Variants in STIM2 observed in about 807,000 individuals in gnomAD.
The protein encoded by STIM2 is stromal interaction molecule 2.
STIM2 carries 31 observed loss-of-function variants against 85.8 expected under a neutral mutation model. The ratio of observed to expected loss-of-function variants is 0.36; its 90% confidence interval spans 0.27 to 0.49. STIM2 has a LOEUF of 0.49. STIM2 is among the 20% of genes least tolerant of loss of function. STIM2 has a pLI of 0.98. For missense variants in STIM2, 841 were observed against 927.6 expected (o/e 0.91, Z 1.21); for synonymous variants, 356 against 331.1 (o/e 1.08, Z -0.82).
rs116416182 is a variant in STIM2 at position 26,964,865 on chromosome 4, A to G, written c.397+7139A>G. On this transcript the variant is annotated intron_variant, in intron 3 of 11. Transcript: ENST00000467087. ...GGATAATAAAAGGAAAAGCATGTCC[A>G]TCCACCTACAGAAGTTAAGTAAAGC... is the stretch of plus-strand genomic sequence containing the variant. Among the ~76,000 whole-genome samples, 753 of 152,306 alleles carry G rather than the reference A, an allele frequency of 4.9e-3. 6 individuals carry two copies. Among genetic ancestry groups the G allele is most frequent in the Non-Finnish European group, 6.9e-3 (470 of 68,020 alleles).
chr4:26,930,107 A>T (rs1725149738), intron 2 of STIM2, among the ~76,000 whole-genome samples: 1 of 152,188 alleles, frequency 6.6e-6, no homozygotes, highest in African/African-American at 2.4e-5. Context: ...AAAAAAGGTT[A>T]GATGTCAATG....
chr4:26,868,214 G>C (rs1722474652), intron 1 of STIM2, among the ~76,000 whole-genome samples: 1 of 152,190 alleles, frequency 6.6e-6, no homozygotes, highest in Non-Finnish European at 1.5e-5. Flanking sequence ...CACAGAGCCT[G>C]GCAAGCGCAG....
chr4:27,018,306 C>T (rs975330414), intron 11 of STIM2, among the ~76,000 whole-genome samples: 3 of 152,278 alleles, frequency 2.0e-5, no homozygotes, highest in African/African-American at 2.4e-5. Context: ...GGCTCCAGGA[C>T]GGAGGTCCCC....
At position 26,860,893 on chromosome 4, in the gene STIM2, C is replaced by CCT. The variant is rs1292502342; in HGVS notation, c.-325_-324dup. On this transcript the variant is annotated 5_prime_UTR_variant, in exon 1 of 12. Coordinates refer to ENST00000467087, the MANE Select transcript of STIM2 (RefSeq NM_020860.4). ...GCAGCAGCGCGGGTGTCGTGCACCG[C>CCT]CTGAAGACGCCGTACCTTTCTACCC... 1.9e-6 allele frequency: 2 copies of CCT among 1,042,706 alleles called. No homozygotes were observed. Among genetic ancestry groups the CCT allele is most frequent in the Non-Finnish European group, 1.2e-6 (1 of 848,370 alleles). 64.6% of individuals were successfully genotyped at this position (1,042,706 alleles called of 1,614,324 possible).
At chr4:26,939,216 G>T (rs1398448539) in intron 2 of STIM2, among the ~76,000 whole-genome samples, 1 of 152,074 alleles carries the variant, frequency 6.6e-6, no homozygotes, top group Non-Finnish European at 1.5e-5. Flanking sequence ...CTAAACTCGT[G>T]AGAACTATTC....
chr4:27,004,241 C>T (rs931180356), intron 7 of STIM2, among the ~76,000 whole-genome samples: 1 of 152,160 alleles, frequency 6.6e-6, no homozygotes, highest in Admixed American at 6.5e-5. Context: ...TTCTCTCACA[C>T]CCCCAGATGT....
chr4:27,022,506 G>C lies in STIM2; in HGVS notation c.1764-13G>C, dbSNP rs750126911. The C allele has an allele frequency of 1.3e-6, 2 of 1,562,636 alleles. No homozygotes were observed. The highest frequency in any genetic ancestry group is 1.4e-5 in the African/African-American group (1 of 73,408). ...TGATTTAAAATTTGTACCTTTGTTT[G>C]TGTTTCATTCAGGGAAGTGCCAGAC... On this transcript the variant is annotated splice_polypyrimidine_tract_variant and intron_variant, in intron 11 of 11. Transcript: ENST00000467087.
chr4:26,904,810 T>A (rs577706589), intron 1 of STIM2, among the ~76,000 whole-genome samples: 176 of 151,932 alleles, frequency 1.2e-3, no homozygotes, highest in African/African-American at 3.8e-3. Flanking sequence ...CATGTTTATA[T>A]GCCCGTGGCA....
chr4:26,861,883 A>G (rs556304559), intron 1 of STIM2, among the ~76,000 whole-genome samples: 5 of 152,130 alleles, frequency 3.3e-5, no homozygotes, highest in African/African-American at 9.6e-5. Context: ...CATAATACCT[A>G]GTGATATTAG....
chr4:26,964,674 A>G (rs1726640677), intron 3 of STIM2, among the ~76,000 whole-genome samples: 3 of 152,150 alleles, frequency 2.0e-5, no homozygotes, highest in African/African-American at 7.2e-5. Context: ...ATTTTCTAGT[A>G]AATGCTTATT....
rs56851120 is a variant in STIM2 at position 26,885,821 on chromosome 4, T to TTATATA, written c.151+24500_151+24505dup. Among the ~76,000 whole-genome samples the TTATATA allele has an allele frequency of 3.9e-3, 326 of 84,360 alleles. 7 individuals are homozygous for TTATATA. Among genetic ancestry groups the TTATATA allele is most frequent in the Non-Finnish European group, 6.2e-3 (231 of 37,392 alleles). 55.3% of individuals were successfully genotyped at this position (84,360 alleles called of 152,430 possible). Reference sequence around the variant, plus strand: ...ATGAAGCCAAATTTAGCACCTCAGGTTATATATATATATATATATATATAT... The same window carrying TTATATA: ...ATGAAGCCAAATTTAGCACCTCAGGTTATATATATATATATATATATATATATATAT... On this transcript the variant is annotated intron_variant, in intron 1 of 11. Transcript: ENST00000467087.
intron 1 of STIM2, among the ~76,000 whole-genome samples, chr4:26,898,465 T>C (rs1723790061): frequency 6.6e-6 from 1 of 152,188 alleles, no homozygotes; most frequent in Admixed American, 6.5e-5. Context: ...TCATTTATCC[T>C]TCATGTAGTG....
chr4:26,995,807 A>G (rs1727943450), intron 4 of STIM2, among the ~76,000 whole-genome samples: 1 of 152,102 alleles, frequency 6.6e-6, no homozygotes, highest in Non-Finnish European at 1.5e-5. Context: ...TTTATTTGAT[A>G]CTGATTCATT....
At chr4:26,958,700 C>T (rs1322489739) in intron 3 of STIM2, among the ~76,000 whole-genome samples, 2 of 151,970 alleles carry the variant, frequency 1.3e-5, no homozygotes, top group Non-Finnish European at 2.9e-5. Flanking sequence ...AAAACCTCTC[C>T]ATTTCTCTTC....
At chr4:26,981,426 A>G (rs1470289943) in intron 3 of STIM2, among the ~76,000 whole-genome samples, 1 of 152,266 alleles carries the variant, frequency 6.6e-6, no homozygotes, top group Non-Finnish European at 1.5e-5. Flanking sequence ...CTCTACCTGC[A>G]TAATTGAAGA....
chr4:26,978,245 C>T (rs940614395), intron 3 of STIM2, among the ~76,000 whole-genome samples: 1 of 147,288 alleles, frequency 6.8e-6, no homozygotes, highest in Non-Finnish European at 1.5e-5. Context: ...TACATATATA[C>T]ACATATATAC....
At chr4:27,019,682 A>ATT (rs34654053) in intron 11 of STIM2, 2,320 of 324,388 alleles carry the variant, frequency 7.2e-3, no homozygotes, top group South Asian at 0.011. Flanking sequence ...ATATTTACTG[A>ATT]TTTTTTTTTT....
intron 2 of STIM2, among the ~76,000 whole-genome samples, chr4:26,938,112 T>A (rs1225819577): frequency 6.6e-6 from 1 of 151,930 alleles, no homozygotes; most frequent in Admixed American, 6.5e-5. Context: ...ATTAAAATAA[T>A]GTTGACTCTT....
intron 2 of STIM2, among the ~76,000 whole-genome samples, chr4:26,928,124 C>T (rs1335804134): frequency 1.3e-5 from 2 of 151,868 alleles, no homozygotes; most frequent in Admixed American, 1.3e-4. Context: ...GCCCAAGAGG[C>T]AAAAGGTGTG....
Sources: allele counts gnomAD v4.1 joint callset (sites outside exome capture counted in the v4.1 genomes callset), GRCh38; gene constraint gnomAD v4.1.1; transcripts MANE v1.5; gene names NCBI Gene and HGNC (gene_info 2026-07-23, HGNC 2026-07-21).